Variants in LTBP1 observed in about 807,000 individuals in gnomAD.
LTBP1 encodes the protein latent transforming growth factor beta binding protein 1.
In LTBP1, 129 loss-of-function variants were observed where a neutral mutation model predicts 207.6. The ratio of observed to expected loss-of-function variants is 0.62; its 90% CI spans 0.54 to 0.72. LTBP1 has a LOEUF of 0.72. Ranked by LOEUF, LTBP1 falls within the 30% of genes least tolerant of loss-of-function variation. The pLI, the probability that LTBP1 is intolerant of heterozygous loss-of-function variation, is 0.00. For missense variants in LTBP1, 2,281 were observed against 2,217.2 expected (o/e 1.03, Z -0.58); for synonymous variants, 963 against 833.7 (o/e 1.16, Z -2.67).
intron 7 of LTBP1, among the ~76,000 whole-genome samples, chr2:33,209,230 C>T (rs1558818297): frequency 6.6e-6 from 1 of 152,138 alleles, no homozygotes; most frequent in African/African-American, 2.4e-5. Context: ...ATGGAGGATT[C>T]ACAAGAAACC....
At chr2:33,037,083 A>G (rs1220679344) in intron 3 of LTBP1, among the ~76,000 whole-genome samples, 1 of 152,142 alleles carries the variant, frequency 6.6e-6, no homozygotes, top group South Asian at 2.1e-4. Flanking sequence ...GTACCTGGAA[A>G]TGATTTTTGA....
At chr2:33,108,765 A>C (rs1479817954) in intron 3 of LTBP1, among the ~76,000 whole-genome samples, 2 of 152,156 alleles carry the variant, frequency 1.3e-5, no homozygotes, top group Non-Finnish European at 2.9e-5. Flanking sequence ...ATTGCTTCCG[A>C]GATGCGGAGG....
At chr2:33,199,316 C>G (rs1224885409) in intron 7 of LTBP1, among the ~76,000 whole-genome samples, 5 of 152,056 alleles carry the variant, frequency 3.3e-5, no homozygotes, top group Admixed American at 6.6e-5. Flanking sequence ...GCTTTACTTC[C>G]AAGTATGTGG....
chr2:33,188,563 C>T lies in LTBP1; in HGVS notation c.1427-14C>T, dbSNP rs117853129. 8.9e-5 allele frequency: 142 copies of T among 1,599,564 alleles called. No homozygotes were observed. The East Asian group carries it at 2.6e-3, about 29-fold the overall frequency. Reference sequence around the variant, plus strand: ...TATTCAGGACTAACAAGTTTTCCTCCCAATCTGTTGTAGTGAAATTTCCTC... The same window carrying T: ...TATTCAGGACTAACAAGTTTTCCTCTCAATCTGTTGTAGTGAAATTTCCTC... On this transcript the variant is annotated splice_polypyrimidine_tract_variant and intron_variant, in intron 6 of 33. Transcript: ENST00000404816.
intron 15 of LTBP1, among the ~76,000 whole-genome samples, chr2:33,272,362 C>T (rs901568648): frequency 2.0e-5 from 3 of 152,224 alleles, no homozygotes; most frequent in African/African-American, 7.2e-5. Flanking sequence ...TTGTCATGCT[C>T]AGAGGCGCCA....
intron 9 of LTBP1, among the ~76,000 whole-genome samples, chr2:33,240,851 T>C (rs546738943): frequency 6.6e-4 from 100 of 151,952 alleles, no homozygotes; most frequent in East Asian, 1.6e-3. Flanking sequence ...GGGGTTTCAC[T>C]GTGTTAGCCA....
At chr2:33,263,423 C>A in intron 15 of LTBP1, 31 bp downstream of exon 15, 1 of 1,500,096 alleles carries the variant, frequency 6.7e-7, no homozygotes, top group Non-Finnish European at 9.3e-7. Context: ...TTATATATCA[C>A]ATGGAGGAGA....
At chr2:33,278,561 T>C (rs1277580163) in intron 18 of LTBP1, among the ~76,000 whole-genome samples, 1 of 152,214 alleles carries the variant, frequency 6.6e-6, no homozygotes, top group Non-Finnish European at 1.5e-5. Flanking sequence ...TAAGGTATTA[T>C]AAGGCAGGTA....
chr2:33,000,462 T>C (rs748800841), intron 2 of LTBP1, among the ~76,000 whole-genome samples: 1 of 134,464 alleles, frequency 7.4e-6, no homozygotes, highest in Admixed American at 7.6e-5. Flanking sequence ...GGTTGCCAGG[T>C]GGAGGTGGAA....
At chr2:33,060,376 G>A (rs181252163) in intron 3 of LTBP1, among the ~76,000 whole-genome samples, 1 of 152,244 alleles carries the variant, frequency 6.6e-6, no homozygotes, top group African/African-American at 2.4e-5. Flanking sequence ...ATCTCTAGGG[G>A]TATTTGCATT....
At chr2:32,949,371 A>G (rs1033548382) in intron 2 of LTBP1, among the ~76,000 whole-genome samples, 1 of 152,256 alleles carries the variant, frequency 6.6e-6, no homozygotes, top group African/African-American at 2.4e-5. Context: ...GGAGTACAAC[A>G]TCAAAGTTTT....
At chr2:33,135,160 G>A (rs765663501) in intron 5 of LTBP1, among the ~76,000 whole-genome samples, 200 bp downstream of exon 5, 2 of 152,198 alleles carry the variant, frequency 1.3e-5, no homozygotes, top group Admixed American at 6.5e-5. Flanking sequence ...TAGGGGAATG[G>A]CAACTAGAAT....
intron 3 of LTBP1, among the ~76,000 whole-genome samples, chr2:33,087,421 T>A (rs1176548506): frequency 3.3e-5 from 5 of 152,156 alleles, no homozygotes; most frequent in East Asian, 1.9e-4. Context: ...ATTTTCAAAG[T>A]CCTCTCAAAA....
intron 3 of LTBP1, among the ~76,000 whole-genome samples, chr2:33,097,094 A>G (rs946206047): frequency 1.1e-4 from 17 of 152,212 alleles, no homozygotes; most frequent in South Asian, 2.1e-4. Flanking sequence ...TACAGGTTCT[A>G]TAGAATCATA....
intron 2 of LTBP1, among the ~76,000 whole-genome samples, chr2:33,007,201 G>C (rs1165901033): frequency 6.6e-6 from 1 of 152,088 alleles, no homozygotes; most frequent in African/African-American, 2.4e-5. Flanking sequence ...AGTAGGTCTC[G>C]AACTCGTGAC....
chr2:33,242,320 T>C (rs1273709989), intron 9 of LTBP1, among the ~76,000 whole-genome samples: 1 of 152,230 alleles, frequency 6.6e-6, no homozygotes, highest in African/African-American at 2.4e-5. Context: ...ATATAATCTT[T>C]CTTTGTAAAA....
chr2:32,954,155 C>A lies in LTBP1; in HGVS notation c.565+5210C>A, dbSNP rs145826438. 3.5e-3 allele frequency among the ~76,000 whole-genome samples: 540 copies of A among 152,310 alleles called. 5 individuals carry two copies. Among genetic ancestry groups the A allele is most frequent in the African/African-American group, 0.012 (519 of 41,558 alleles). ...CTACTGCCCTGGGCTTCCTGGACAT[C>A]CAGTGCTGTGACATTCTTTCTTGAG... On this transcript the variant is annotated intron_variant, in intron 2 of 33. Transcript: ENST00000404816.
chr2:33,191,330 G>T (rs2087851832), intron 7 of LTBP1, among the ~76,000 whole-genome samples: 1 of 152,104 alleles, frequency 6.6e-6, no homozygotes, highest in Non-Finnish European at 1.5e-5. Flanking sequence ...TAAAACTCTG[G>T]AATACTTTTG....
At position 33,176,011 on chromosome 2, in the gene LTBP1, G is replaced by C. The variant is rs1179382994; in HGVS notation, c.1202-10845G>C. ...CACACTCTGGGGACTGTTGTGGGGT[G>C]GGGGGAGGCGGGAGGGATAGCATTA... is the stretch of plus-strand genomic sequence containing the variant. On this transcript the variant is annotated intron_variant, in intron 5 of 33. Coordinates refer to ENST00000404816, the MANE Select transcript of LTBP1 (RefSeq NM_206943.4). Among the ~76,000 whole-genome samples the C allele has an allele frequency of 2.7e-5, 4 of 148,240 alleles. No individual in the cohort carries two copies. The South Asian group carries it at 6.6e-4, about 24-fold the overall frequency.
Sources: gnomAD v4.1 joint callset for allele counts (sites outside exome capture counted in the v4.1 genomes callset) on GRCh38, gnomAD v4.1.1 for gene constraint, MANE v1.5 for transcripts, NCBI Gene and HGNC (gene_info 2026-07-23, HGNC 2026-07-21) for gene names.